The following COL4A2 variants were observed in gnomAD, a reference collection of about 807,000 sequenced individuals.
COL4A2 encodes the protein collagen alpha-2(IV) chain.
COL4A2 carries 99 observed loss-of-function variants against 200.2 expected under a neutral mutation model. The ratio of observed to expected loss-of-function variants is 0.49; its 90% confidence interval spans 0.42 to 0.58. COL4A2 has a LOEUF of 0.58. COL4A2 is among the 20% of genes least tolerant of loss of function. The probability of loss-of-function intolerance (pLI) is 0.00; values close to 1 mark genes in which losing one functional copy is unlikely to be tolerated. For missense variants in COL4A2, 1,950 were observed against 2,314.1 expected (o/e 0.84, Z 3.23); for synonymous variants, 897 against 900.6 (o/e 1.00, Z 0.07).
intron 4 of COL4A2, among the ~76,000 whole-genome samples, chr13:110,418,774 A>C (rs1198521969): frequency 6.6e-6 from 1 of 152,240 alleles, no homozygotes; most frequent in Non-Finnish European, 1.5e-5. Flanking sequence ...TCTGTGTTGC[A>C]TGGAATAGGC....
At chr13:110,327,999 A>G (rs1875702934) in intron 3 of COL4A2, among the ~76,000 whole-genome samples, 1 of 152,242 alleles carries the variant, frequency 6.6e-6, no homozygotes, top group Non-Finnish European at 1.5e-5. Flanking sequence ...AGTGATGTAT[A>G]GAACTGTTAA....
intron 4 of COL4A2, among the ~76,000 whole-genome samples, chr13:110,396,087 T>C (rs1278172161): frequency 6.6e-6 from 1 of 152,244 alleles, no homozygotes. Context: ...ACTTAATCTT[T>C]AAAGCAGTTC....
intron 4 of COL4A2, among the ~76,000 whole-genome samples, chr13:110,387,876 G>A (rs1878824678): frequency 6.6e-6 from 1 of 152,246 alleles, no homozygotes. Flanking sequence ...GCTTGGCTGT[G>A]CCTGGGTTTG....
At chr13:110,313,519 C>T (rs951245532) in intron 3 of COL4A2, among the ~76,000 whole-genome samples, 1 of 148,692 alleles carries the variant, frequency 6.7e-6, no homozygotes, top group Non-Finnish European at 1.5e-5. Context: ...CGCGTCCACC[C>T]GGCAGGCTCC....
At chr13:110,424,001 T>G (rs4486744) in intron 4 of COL4A2, among the ~76,000 whole-genome samples, 1 of 152,060 alleles carries the variant, frequency 6.6e-6, no homozygotes, top group Admixed American at 6.5e-5. Flanking sequence ...ATCACGCTGC[T>G]GTGCGTGTAA....
chr13:110,375,322 G>A (rs1407766606), intron 4 of COL4A2, among the ~76,000 whole-genome samples: 1 of 152,172 alleles, frequency 6.6e-6, no homozygotes, highest in Non-Finnish European at 1.5e-5. Context: ...AGAGATCAGC[G>A]CAGTGCCTGT....
chr13:110,322,934 A>G (rs1885313405), intron 3 of COL4A2, among the ~76,000 whole-genome samples: 1 of 152,238 alleles, frequency 6.6e-6, no homozygotes, highest in Non-Finnish European at 1.5e-5. Context: ...CGCCCGAGTC[A>G]GGTCAGCTGG....
rs944997035 is a variant in COL4A2 at position 110,485,638 on chromosome 13, C to G, written c.3026-17C>G. 8.2e-6 allele frequency: 13 copies of G among 1,585,494 alleles called. No individual in the cohort carries two copies. The highest frequency in any genetic ancestry group is 1.1e-5 in the South Asian group (1 of 88,188). Reference sequence around the variant, plus strand: ...TGCGTCCTCACCAGAGTGTTACACACCAGGGTCTTCCTGCAGGTATCCAAG... The same window carrying G: ...TGCGTCCTCACCAGAGTGTTACACAGCAGGGTCTTCCTGCAGGTATCCAAG... On this transcript the variant is annotated splice_polypyrimidine_tract_variant and intron_variant, in intron 33 of 47. Coordinates refer to ENST00000360467, the MANE Select transcript of COL4A2 (RefSeq NM_001846.4).
intron 20 of COL4A2, chr13:110,456,721 G>A: frequency 2.1e-6 from 1 of 472,658 alleles, no homozygotes; most frequent in Non-Finnish European, 4.4e-6. Context: ...GCGTCTCTGT[G>A]GTGCCCATGC....
At chr13:110,317,787 G>A (rs1041810300) in intron 3 of COL4A2, among the ~76,000 whole-genome samples, 3 of 152,190 alleles carry the variant, frequency 2.0e-5, no homozygotes, top group East Asian at 1.9e-4. Context: ...GGGCAAACAC[G>A]GCTTTATGTT....
rs772133239 is a variant in COL4A2 at position 110,491,321 on chromosome 13, T to C, written c.3435T>C (p.Pro1145=). ...GCGTGACTGGAGTCCAAGGCCCTCC[T>C]GGACTTAAAGGACAAACAGGTAAAA... is the stretch of plus-strand genomic sequence containing the variant. ...ITGVTGVQGP[P]GLKGQTGFPG... is the part of the protein sequence containing the mutation. The change falls in exon 37 of 48, where the codon CCT becomes CCC. Residue 1145 remains proline, a synonymous_variant. Transcript: ENST00000360467. 6.3e-7 allele frequency: 1 copy of C among 1,589,652 alleles called. No homozygotes were observed. Among genetic ancestry groups the C allele is most frequent in the South Asian group, 1.1e-5 (1 of 87,532 alleles).
intron 13 of COL4A2, among the ~76,000 whole-genome samples, 190 bp downstream of exon 13, chr13:110,436,557 A>T (rs1208157842): frequency 6.6e-6 from 1 of 151,528 alleles, no homozygotes; most frequent in Non-Finnish European, 1.5e-5. Flanking sequence ...CTAGATTCAC[A>T]GTGCGATCCC....
intron 29 of COL4A2, among the ~76,000 whole-genome samples, chr13:110,474,861 A>C (rs1490269522): frequency 2.7e-5 from 4 of 146,180 alleles, no homozygotes; most frequent in Non-Finnish European, 4.5e-5. Flanking sequence ...ACATGATCAC[A>C]CACTCCATAC....
In COL4A2 at chr13:110,428,519, A is replaced by G; in HGVS notation, c.413A>G (p.Asn138Ser). 1 of 1,586,696 alleles carries G rather than the reference A, an allele frequency of 6.3e-7. No individual in the cohort carries two copies. The highest frequency in any genetic ancestry group is 1.1e-5 in the South Asian group (1 of 87,486). The change falls in exon 7 of 48, where the codon AAC becomes AGC. Residue 138 changes from asparagine (N) to serine (S), a missense_variant. Coordinates refer to ENST00000360467, the MANE Select transcript of COL4A2 (RefSeq NM_001846.4). The part of the protein sequence containing the change: ...PRGRPGYDGC[N>S]GTQGDSGPQG... ...GGAAGGCCGGGCTACGATGGCTGCA[A>G]CGGAACCCAGGGAGACTCAGGTCCA... is the stretch of plus-strand genomic sequence containing the variant.
At chr13:110,484,563 C>A (rs971395839) in intron 32 of COL4A2, among the ~76,000 whole-genome samples, 5 of 152,174 alleles carry the variant, frequency 3.3e-5, no homozygotes, top group African/African-American at 9.7e-5. Context: ...CCATCATGGT[C>A]TCATCAGAGC....
At chr13:110,485,251 C>T (rs935362699) in intron 33 of COL4A2, among the ~76,000 whole-genome samples, 14 of 152,244 alleles carry the variant, frequency 9.2e-5, no homozygotes, top group Non-Finnish European at 2.9e-5. Context: ...TGGCCGGGCG[C>T]GGTGGCTCAC....
At chr13:110,459,107 A>T in intron 22 of COL4A2, 173 bp downstream of exon 22, 1 of 602,792 alleles carries the variant, frequency 1.7e-6, no homozygotes, top group Non-Finnish European at 2.6e-6. Flanking sequence ...GACTTTCTAC[A>T]TGTCCACTGG....
chr13:110,338,808 C>G (rs1000884048), intron 3 of COL4A2, among the ~76,000 whole-genome samples: 8 of 152,252 alleles, frequency 5.3e-5, no homozygotes, highest in Non-Finnish European at 8.8e-5. Context: ...GGTTCTCTCC[C>G]ACAGCCAAGA....
intron 4 of COL4A2, among the ~76,000 whole-genome samples, chr13:110,383,615 T>TC (rs1423903685): frequency 2.2e-5 from 3 of 135,330 alleles, no homozygotes; most frequent in East Asian, 4.1e-4. Flanking sequence ...TCTTTTTTTT[T>TC]TTTTTTTTTT....
Sources: allele counts gnomAD v4.1 joint callset (sites outside exome capture counted in the v4.1 genomes callset), GRCh38; gene constraint gnomAD v4.1.1; transcripts MANE v1.5; gene names NCBI Gene and HGNC (gene_info 2026-07-23, HGNC 2026-07-21).